Variants in NDE1 observed in about 807,000 individuals in gnomAD.
NDE1 encodes the protein nuclear distribution protein nudE homolog 1.
A neutral mutation model predicts 43.4 loss-of-function variants in NDE1; 28 were observed. The ratio of observed to expected loss-of-function variants is 0.65; its 90% confidence interval spans 0.48 to 0.89. The LOEUF (loss-of-function observed/expected upper bound fraction) is 0.89, where lower values mean the gene tolerates loss of function less well. NDE1 is among the 40% of genes least tolerant of loss of function. The pLI, the probability that NDE1 is intolerant of heterozygous loss-of-function variation, is 0.00. For synonymous variants in NDE1, 184 were observed against 172.0 expected (o/e 1.07, Z -0.55); for missense variants, 441 against 434.1 (o/e 1.02, Z -0.14).
At chr16:15,674,862 ATGCCC>A (rs2037785774) in intron 3 of NDE1, among the ~76,000 whole-genome samples, 1 of 152,176 alleles carries the variant, frequency 6.6e-6, no homozygotes, top group East Asian at 1.9e-4. Flanking sequence ...CGACGCCACC[ATGCCC>A]TGCTAATTTT....
In NDE1 at chr16:15,686,644, C is replaced by G. The variant is rs3942908; in HGVS notation, c.387-731C>G. The G allele has an allele frequency of 0.018, 11,868 of 669,212 alleles. 1,240 individuals carry two copies. The African/African-American group carries it at 0.22, about 12-fold the overall frequency. 41.5% of individuals were successfully genotyped at this position (669,212 alleles called of 1,614,324 possible). ...AGTGAGCTGTGATTGTACCACTGCA[C>G]TTCGGCCTGAGAGACACAGCAAAAA... On this transcript the variant is annotated intron_variant, in intron 4 of 8. Coordinates refer to ENST00000396354, the MANE Select transcript of NDE1 (RefSeq NM_017668.3).
In NDE1 at chr16:15,724,433, G is replaced by A. The variant is rs777634685; in HGVS notation, c.*182G>A. The A allele has an allele frequency of 1.9e-6, 3 of 1,613,114 alleles. No individual in the cohort carries two copies. In the East Asian group the frequency reaches 6.7e-5, roughly 36 times the overall value. On this transcript the variant is annotated 3_prime_UTR_variant, in exon 9 of 9. Transcript: ENST00000396354. The stretch of plus-strand genomic sequence containing the variant: ...AGCTACAAGGACAGCGTCCAGGGTA[G>A]GGTGAGAGGGGGACCATGAGTGGCC...
chr16:15,707,185 T>A (rs1348401963), intron 8 of NDE1, among the ~76,000 whole-genome samples: 1 of 152,078 alleles, frequency 6.6e-6, no homozygotes, highest in South Asian at 2.1e-4. Flanking sequence ...ACTACAGACA[T>A]GCCACCACTC....
At chr16:15,706,980 C>T (rs1370181562) in intron 8 of NDE1, among the ~76,000 whole-genome samples, 1 of 152,118 alleles carries the variant, frequency 6.6e-6, no homozygotes, top group Non-Finnish European at 1.5e-5. Context: ...ACCAACTATA[C>T]CTGTTACAGG....
intron 8 of NDE1, among the ~76,000 whole-genome samples, chr16:15,722,003 G>A (rs1416969219): frequency 6.6e-6 from 1 of 152,024 alleles, no homozygotes; most frequent in Non-Finnish European, 1.5e-5. Context: ...GATTACAGGT[G>A]CCCACCACCA....
intron 8 of NDE1, chr16:15,721,241 C>A: frequency 1.1e-6 from 1 of 938,150 alleles, no homozygotes; most frequent in South Asian, 1.4e-5. Context: ...CCAACTCAGA[C>A]CCATCCTCGA....
chr16:15,659,423 A>ATTTT (rs2036931987), intron 1 of NDE1, among the ~76,000 whole-genome samples: 2 of 105,676 alleles, frequency 1.9e-5, no homozygotes, highest in African/African-American at 3.9e-5. Context: ...CTTGCACACA[A>ATTTT]TCTTTTTTTT....
upstream of NDE1, among the ~76,000 whole-genome samples, chr16:15,646,604 G>T (rs537025501): frequency 1.3e-5 from 2 of 151,600 alleles, no homozygotes; most frequent in African/African-American, 4.8e-5. Context: ...AAAATCCAAG[G>T]GGGGTTAATA....
At chr16:15,694,781 A>G in intron 7 of NDE1, 1 of 985,324 alleles carries the variant, frequency 1.0e-6, no homozygotes, top group Admixed American at 6.2e-5. Flanking sequence ...AACCCTATGT[A>G]TGTCTCTTTC....
intron 1 of NDE1, among the ~76,000 whole-genome samples, chr16:15,660,784 GA>G (rs1567621043): frequency 6.6e-6 from 1 of 152,096 alleles, no homozygotes; most frequent in African/African-American, 2.4e-5. Flanking sequence ...TGTGACACTG[GA>G]ATGTTTCCCT....
intron 2 of NDE1, 71 bp downstream of exon 2, chr16:15,664,932 C>T: frequency 1.6e-6 from 2 of 1,219,400 alleles, no homozygotes; most frequent in African/African-American, 1.5e-5. Flanking sequence ...GTTACCTAGG[C>T]TGAGTGCGGT....
chr16:15,714,650 CAGCCGG>C, intron 8 of NDE1: 1 of 583,790 alleles, frequency 1.7e-6, no homozygotes, highest in Non-Finnish European at 3.1e-6. Flanking sequence ...TCCTCCTCCT[CAGCCGG>C]AGGACCGGAT....
At chr16:15,673,679 C>A (rs1383055003) in intron 3 of NDE1, among the ~76,000 whole-genome samples, 1 of 151,964 alleles carries the variant, frequency 6.6e-6, no homozygotes, top group Non-Finnish European at 1.5e-5. Flanking sequence ...ACTGCAGGTG[C>A]ATGCCACCAC....
chr16:15,710,968 G>C (rs1367403128), intron 8 of NDE1: 1 of 152,350 alleles, frequency 6.6e-6, no homozygotes, highest in African/African-American at 2.4e-5. Flanking sequence ...GTGAGCCACC[G>C]CGCTTTGCCC....
intron 8 of NDE1, chr16:15,719,127 C>T (rs2040328203): frequency 7.6e-6 from 10 of 1,312,548 alleles, no homozygotes; most frequent in Middle Eastern, 1.8e-4. Flanking sequence ...AACTCTGTCT[C>T]GAAAAAATTT....
At chr16:15,716,927 C>T (rs1333242570) in intron 8 of NDE1, among the ~76,000 whole-genome samples, 1 of 152,228 alleles carries the variant, frequency 6.6e-6, no homozygotes, top group African/African-American at 2.4e-5. Flanking sequence ...CTAAGAGCAG[C>T]TCACACTTTA....
At chr16:15,718,937 G>A in intron 8 of NDE1, 1 of 452,056 alleles carries the variant, frequency 2.2e-6, no homozygotes, top group South Asian at 2.1e-5. Context: ...AGACTAGCCT[G>A]GCCAACATGG....
chr16:15,724,282 T>C lies in NDE1; in HGVS notation c.*31T>C. ...GTTCTTGGTCTTTTCCAGTTTATCA[T>C]AAGCGGCCGCCTTCTCCTCGTACTG... On this transcript the variant is annotated 3_prime_UTR_variant, in exon 9 of 9. Coordinates refer to ENST00000396354, the MANE Select transcript of NDE1 (RefSeq NM_017668.3). 9 of 1,614,176 alleles carry C rather than the reference T, an allele frequency of 5.6e-6. No homozygotes were observed. Among genetic ancestry groups the C allele is most frequent in the Non-Finnish European group, 7.6e-6 (9 of 1,180,028 alleles).
intron 1 of NDE1, among the ~76,000 whole-genome samples, chr16:15,663,027 GTTTCC>G (rs1339857496): frequency 6.6e-6 from 1 of 152,054 alleles, no homozygotes; most frequent in Non-Finnish European, 1.5e-5. Flanking sequence ...TTCTCCAATG[GTTTCC>G]CATTGCCACT....
Sources: gnomAD v4.1 joint callset for allele counts (sites outside exome capture counted in the v4.1 genomes callset) on GRCh38, gnomAD v4.1.1 for gene constraint, MANE v1.5 for transcripts, NCBI Gene and HGNC (gene_info 2026-07-23, HGNC 2026-07-21) for gene names.